The following AGL variants were observed in gnomAD, a reference collection of about 807,000 sequenced individuals.
AGL encodes amylo-alpha-1,6-glucosidase and 4-alpha-glucanotransferase.
In AGL, 128 loss-of-function variants were observed where a neutral mutation model predicts 199.3. That is an observed-to-expected ratio of 0.64 (90% CI 0.56 to 0.74). The LOEUF is 0.74. Ranked by LOEUF, AGL falls within the 30% of genes least tolerant of loss-of-function variation. AGL has a pLI of 0.00. For missense variants in AGL, 1,809 were observed against 1,820.8 expected (o/e 0.99, Z 0.12); for synonymous variants, 584 against 594.7 (o/e 0.98, Z 0.26).
intron 4 of AGL, among the ~76,000 whole-genome samples, chr1:99,862,852 G>T (rs1030994475): frequency 5.9e-5 from 9 of 152,050 alleles, no homozygotes; most frequent in African/African-American, 2.2e-4. Flanking sequence ...TGAGATTTGG[G>T]CAGGGACACA....
Position 99,877,667 on chromosome 1 carries a change from C to A in AGL, c.1450C>A (p.Leu484Ile), listed in dbSNP as rs755622228. 4.3e-6 allele frequency: 7 copies of A among 1,613,838 alleles called. No individual in the cohort carries two copies. The highest frequency in any genetic ancestry group is 5.1e-6 in the Non-Finnish European group (6 of 1,179,964). ...PGSEVYLRRE[L>I]ICWGDSVKLR... ...TTCAGAAGTTTACCTAAGGAGAGAA[C>A]TTATTTGCTGGGGAGACAGTGTTAA... is the stretch of plus-strand genomic sequence containing the variant. Residue 484 changes from leucine (L) to isoleucine (I), a missense_variant, in exon 12 of 34, where the codon CTT (leucine) becomes ATT (isoleucine). By Grantham distance (5) the Leu-to-Ile change is conservative. Coordinates refer to ENST00000361915, the MANE Select transcript of AGL (RefSeq NM_000642.3).
At position 99,881,426 on chromosome 1, in the gene AGL, T is replaced by C; in HGVS notation, c.2136T>C (p.Leu712=). 1 of 1,614,126 alleles carries C rather than the reference T, an allele frequency of 6.2e-7. No homozygotes were observed. The highest frequency in any genetic ancestry group is 8.5e-7 in the Non-Finnish European group (1 of 1,179,996). ...RCAISKLHQE[L]GAKGFIQVYV... ...CTATCAGTAAACTTCATCAGGAGCT[T>C]GGAGCCAAGGGTTTTATTCAGGCAA... Residue 712 remains leucine (L), a synonymous_variant, in exon 16 of 34, where the codon CTT becomes CTC. Coordinates refer to ENST00000361915, the MANE Select transcript of AGL (RefSeq NM_000642.3).
intron 2 of AGL, among the ~76,000 whole-genome samples, chr1:99,852,019 C>G (rs994503306): frequency 3.3e-5 from 5 of 152,106 alleles, no homozygotes; most frequent in African/African-American, 1.2e-4. Context: ...CTGCACTTTT[C>G]TGGTTTTGAT....
At position 99,902,745 on chromosome 1, in the gene AGL, C is replaced by G; in HGVS notation, c.3651C>G (p.Phe1217Leu). ...AAAAACACATGCAGGGCATACAGTTCCGAGAAAGGAATGCTGGTCCCCAGA... is the reference window on the plus strand; with the variant it reads ...AAAAACACATGCAGGGCATACAGTTGCGAGAAAGGAATGCTGGTCCCCAGA... ...AMQKHMQGIQ[F>L]RERNAGPQID... The change falls in exon 27 of 34, where the codon TTC becomes TTG. Residue 1217 changes from phenylalanine to leucine, a missense_variant. Coordinates refer to ENST00000361915, the MANE Select transcript of AGL (RefSeq NM_000642.3). The G allele has an allele frequency of 1.2e-6, 2 of 1,613,452 alleles. No individual in the cohort carries two copies. The highest frequency in any genetic ancestry group is 1.7e-6 in the Non-Finnish European group (2 of 1,179,586).
At chr1:99,897,169 C>G (rs1241211694) in intron 25 of AGL, among the ~76,000 whole-genome samples, 1 of 151,948 alleles carries the variant, frequency 6.6e-6, no homozygotes, top group Non-Finnish European at 1.5e-5. Flanking sequence ...TATTGGAGGT[C>G]GAAAGGAAAG....
At chr1:99,855,355 C>T (rs1161404630) in intron 2 of AGL, among the ~76,000 whole-genome samples, 1 of 147,606 alleles carries the variant, frequency 6.8e-6, no homozygotes, top group Non-Finnish European at 1.5e-5. Context: ...CTTTCCTTCT[C>T]TCTTTTCTAC....
At position 99,913,659 on chromosome 1, in the gene AGL, T is replaced by C; in HGVS notation, c.4082T>C (p.Ile1361Thr). 1 of 1,614,142 alleles carries C rather than the reference T, an allele frequency of 6.2e-7. No homozygotes were observed. Among genetic ancestry groups the C allele is most frequent in the South Asian group, 1.1e-5 (1 of 91,082 alleles). ...KHPNLVHKRG[I>T]YKDSYGASSP... ...CCAAATCTGGTTCACAAACGTGGCA[T>C]ATACAAAGATAGTTATGGAGCTTCA... The change falls in exon 30 of 34, where the codon ATA becomes ACA. Residue 1361 changes from isoleucine (I) to threonine (T), a missense_variant. Transcript: ENST00000361915.
chr1:99,856,219 G>A (rs981321476), intron 2 of AGL, among the ~76,000 whole-genome samples: 1 of 152,030 alleles, frequency 6.6e-6, no homozygotes, highest in Non-Finnish European at 1.5e-5. Context: ...TGCATTAGAG[G>A]TCTACAGAGT....
At chr1:99,915,330 T>C in intron 30 of AGL, 59 bp from the exon 31 acceptor site, 1 of 1,338,834 alleles carries the variant, frequency 7.5e-7, no homozygotes, top group Non-Finnish European at 1.1e-6. Context: ...TTTCTGTGGG[T>C]AGGAACTAAT....
Position 99,907,693 on chromosome 1 carries a change from G to GTTTTTTTTTTTTTTTTTTTTTTTTTTTT in AGL, c.3701-3011_3701-3010insTTTTTTTTTTTTTTTTTTTTTTTTTTTT, listed in dbSNP as rs71075465. Among the ~76,000 whole-genome samples, 106 of 118,856 alleles carry GTTTTTTTTTTTTTTTTTTTTTTTTTTTT rather than the reference G, an allele frequency of 8.9e-4. 3 individuals carry two copies. Among genetic ancestry groups the GTTTTTTTTTTTTTTTTTTTTTTTTTTTT allele is most frequent in the Non-Finnish European group, 1.3e-3 (72 of 55,768 alleles). The allele number at this position is 118,856 out of a possible 152,430, so 78.0% of individuals were successfully genotyped here. Reference sequence around the variant, plus strand: ...TTTTGTTCGTTTGTTTTTGTTTTTTGTTTTTTTTGCTAGTAGCCATCCTAA... The same window carrying GTTTTTTTTTTTTTTTTTTTTTTTTTTTT: ...TTTTGTTCGTTTGTTTTTGTTTTTTGTTTTTTTTTTTTTTTTTTTTTTTTTTTTTTTTTTTTGCTAGTAGCCATCCTAA... On this transcript the variant is annotated intron_variant, in intron 27 of 33. Coordinates refer to ENST00000361915, the MANE Select transcript of AGL (RefSeq NM_000642.3).
At chr1:99,920,050 A>T (rs1206367404) in intron 33 of AGL, among the ~76,000 whole-genome samples, 1 of 152,222 alleles carries the variant, frequency 6.6e-6, no homozygotes, top group Non-Finnish European at 1.5e-5. Flanking sequence ...TTATATTTGT[A>T]TGGATACATT....
chr1:99,884,989 T>C (rs375420199), intron 20 of AGL, among the ~76,000 whole-genome samples: 5 of 152,332 alleles, frequency 3.3e-5, no homozygotes, highest in African/African-American at 1.2e-4. Flanking sequence ...TTCTCTGAAG[T>C]ATTTGAGACT....
chr1:99,912,600 C>A, intron 29 of AGL, 83 bp downstream of exon 29: 2 of 996,024 alleles, frequency 2.0e-6, no homozygotes, highest in Non-Finnish European at 3.1e-6. Flanking sequence ...TTGATTCTAT[C>A]AGCTAATATC....
At chr1:99,881,800 G>T in intron 17 of AGL, 109 bp downstream of exon 17, 1 of 1,078,200 alleles carries the variant, frequency 9.3e-7, no homozygotes, top group Non-Finnish European at 1.3e-6. Flanking sequence ...TTATAACACA[G>T]TGCTACTGTG....
intron 5 of AGL, among the ~76,000 whole-genome samples, chr1:99,867,940 G>A (rs917179042): frequency 6.6e-6 from 1 of 152,176 alleles, no homozygotes; most frequent in Non-Finnish European, 1.5e-5. Context: ...AGAACACTGG[G>A]AACCCATTTG....
chr1:99,870,533 C>T lies in AGL; in HGVS notation c.798C>T (p.Tyr266=), dbSNP rs1011395459. The T allele has an allele frequency of 1.2e-6, 2 of 1,613,770 alleles. No individual in the cohort carries two copies. Among genetic ancestry groups the T allele is most frequent in the African/African-American group, 2.7e-5 (2 of 74,848 alleles). The change falls in exon 6 of 34, where the codon TAC becomes TAT. Residue 266 remains tyrosine (Y), a synonymous_variant. Coordinates refer to ENST00000361915, the MANE Select transcript of AGL (RefSeq NM_000642.3). ...CCTGTGATGTTGCAGAAGGGAAATA[C>T]AAAGAAAAGGGAATACCTGCTTTGA... The part of the protein sequence containing the change: ...RFSCDVAEGK[Y]KEKGIPALIE...
chr1:99,907,209 G>C (rs1453752911), intron 27 of AGL, among the ~76,000 whole-genome samples: 2 of 152,022 alleles, frequency 1.3e-5, no homozygotes, highest in African/African-American at 2.4e-5. Context: ...ATTGGTTTTT[G>C]ATTTTTTGGT....
rs760889909 is a variant in AGL at position 99,916,461 on chromosome 1, C to T, written c.4311C>T (p.Tyr1437=). 1.9e-6 allele frequency: 3 copies of T among 1,612,606 alleles called. No homozygotes were observed. In the African/African-American group the frequency reaches 4.0e-5, roughly 22 times the overall value. Residue 1437 remains tyrosine (Y), a synonymous_variant, in exon 32 of 34, where the codon TAC becomes TAT. Coordinates refer to ENST00000361915, the MANE Select transcript of AGL (RefSeq NM_000642.3). ...IYDNALDNDN[Y]NLAKGFNYHQ... is the part of the protein sequence containing the mutation. Reference sequence around the variant, plus strand: ...ACAATGCATTAGACAATGACAACTACAATCTTGCTAAAGGTTTCAATTATC... The same window carrying T: ...ACAATGCATTAGACAATGACAACTATAATCTTGCTAAAGGTTTCAATTATC...
chr1:99,852,263 G>A (rs1649015634), intron 2 of AGL, among the ~76,000 whole-genome samples: 1 of 151,460 alleles, frequency 6.6e-6, no homozygotes, highest in African/African-American at 2.4e-5. Flanking sequence ...AGCATTTGAT[G>A]ACGGGTAGAT....
Sources: allele counts gnomAD v4.1 joint callset (sites outside exome capture counted in the v4.1 genomes callset), GRCh38; gene constraint gnomAD v4.1.1; transcripts MANE v1.5; gene names NCBI Gene and HGNC (gene_info 2026-07-23, HGNC 2026-07-21).